The following RTN4 variants were observed in gnomAD, a reference collection of about 807,000 sequenced individuals.
The protein encoded by RTN4 is reticulon-4.
A neutral mutation model predicts 90.4 loss-of-function variants in RTN4; 32 were observed. That is an observed-to-expected ratio of 0.35 (90% CI 0.27 to 0.48). The LOEUF (loss-of-function observed/expected upper bound fraction) is 0.48, where lower values mean the gene tolerates loss of function less well. Among genes scored for constraint, RTN4 ranks in the 20% least tolerant of loss-of-function variants. The pLI is 0.99. For synonymous variants in RTN4, 629 were observed against 552.5 expected, an observed-to-expected ratio of 1.14 and a Z score of -1.94; for missense variants, 1,706 against 1,430.2, an observed-to-expected ratio of 1.19 and a Z score of -3.11.
Position 55,025,163 on chromosome 2 carries a change from T to G in RTN4, c.2936A>C (p.Lys979Thr), listed in dbSNP as rs1304138963. ...TTTTTCTGTATCGGAAGGAAGTTTTTTCTCAGCTTCTTTCACAAGAACTTT... is the reference window on the plus strand; with the variant it reads ...TTTTTCTGTATCGGAAGGAAGTTTTGTCTCAGCTTCTTTCACAAGAACTTT... ...KPKVLVKEAE[K>T]KLPSDTEKED... is the part of the protein sequence containing the mutation. Residue 979 changes from lysine (K) to threonine (T), a missense_variant, in exon 3 of 9, where the codon AAA (lysine) becomes ACA (threonine). Coordinates refer to ENST00000337526, the MANE Select transcript of RTN4 (RefSeq NM_020532.5). The G allele has an allele frequency of 6.2e-7, 1 of 1,613,782 alleles. No individual in the cohort carries two copies. Among genetic ancestry groups the G allele is most frequent in the Non-Finnish European group, 8.5e-7 (1 of 1,179,810 alleles).
rs191709866 is a variant in RTN4 at position 55,035,002 on chromosome 2, A to G, written c.557-6782T>C. On this transcript the variant is annotated intron_variant, in intron 1 of 8. Transcript: ENST00000337526. ...TAAAAAATAAAGAGGTACAGCTAAA[A>G]CCCCAACAGAGGAGATAAATCTGAA... 2.7e-3 allele frequency among the ~76,000 whole-genome samples: 410 copies of G among 152,294 alleles called. 8 individuals carry two copies. The highest frequency in any genetic ancestry group is 0.019 in the Admixed American group (288 of 15,294).
intron 2 of RTN4, among the ~76,000 whole-genome samples, chr2:55,062,846 C>G (rs1668325471): frequency 6.6e-6 from 1 of 152,222 alleles, no homozygotes; most frequent in South Asian, 2.1e-4. Flanking sequence ...AATAATTTCA[C>G]TAAGGAACCC....
upstream of RTN4, among the ~76,000 whole-genome samples, chr2:55,055,443 C>T (rs888987305): frequency 6.6e-6 from 1 of 152,038 alleles, no homozygotes; most frequent in African/African-American, 2.4e-5. Context: ...TGGTCACTGT[C>T]TTTAAACATT....
chr2:55,034,867 T>C (rs902042740), intron 1 of RTN4, among the ~76,000 whole-genome samples: 1 of 151,948 alleles, frequency 6.6e-6, no homozygotes, highest in East Asian at 1.9e-4. Flanking sequence ...AGGATGAAAA[T>C]AGTATATGAA....
chr2:55,095,363 T>A (rs1438764963), intron 1 of RTN4, among the ~76,000 whole-genome samples: 2 of 152,092 alleles, frequency 1.3e-5, no homozygotes, highest in African/African-American at 4.8e-5. Context: ...AATATTATTA[T>A]GAGGTTAATC....
At chr2:55,128,980 C>T in the RTN4 span, among the ~76,000 whole-genome samples, 1 of 151,650 alleles carries the variant, frequency 6.6e-6, no homozygotes, top group African/African-American at 2.4e-5. Context: ...TGATGGCAGG[C>T]GCCTGTAATC....
At chr2:55,062,521 G>A (rs143609887) in intron 2 of RTN4, among the ~76,000 whole-genome samples, 100 of 152,332 alleles carry the variant, frequency 6.6e-4, no homozygotes, top group African/African-American at 2.3e-3. Flanking sequence ...CATGCCCTGA[G>A]AGGGGGACAA....
At chr2:55,077,358 TTATCAGGAAAATG>T (rs1440844960) in intron 2 of RTN4, among the ~76,000 whole-genome samples, 25 of 152,056 alleles carry the variant, frequency 1.6e-4, no homozygotes, top group Admixed American at 1.6e-3. Context: ...AATATACTAC[TTATCAGGAAAATG>T]CAAATCAAAA....
At position 55,092,634 on chromosome 2, in the gene RTN4, T is replaced by C. The variant is rs538543921; in HGVS notation, c.-213-11995A>G. 5.9e-5 allele frequency among the ~76,000 whole-genome samples: 9 copies of C among 152,324 alleles called. No homozygotes were observed. In the South Asian group the frequency reaches 1.9e-3, roughly 32 times the overall value. Reference sequence around the variant, plus strand: ...AATGAGTATACCTGAGTTTCACTTGTTTCCTGCTTGCCCTCTGTCAGAGGC... The same window carrying C: ...AATGAGTATACCTGAGTTTCACTTGCTTCCTGCTTGCCCTCTGTCAGAGGC... On this transcript the variant is annotated intron_variant, in intron 1 of 3. Coordinates refer to the RTN4 transcript ENST00000427710.
chr2:55,027,591 C>T (rs1329175670), intron 2 of RTN4, 106 bp from the exon 3 acceptor site: 2 of 1,158,928 alleles, frequency 1.7e-6, no homozygotes, highest in South Asian at 1.6e-5. Flanking sequence ...TTACTGTTTA[C>T]TAAAATGAAA....
chr2:55,137,431 T>C, the RTN4 span, among the ~76,000 whole-genome samples: 1 of 152,136 alleles, frequency 6.6e-6, no homozygotes, highest in Non-Finnish European at 1.5e-5. Flanking sequence ...GAGTAACGAA[T>C]ACCTGGACCA....
chr2:55,003,123 G>A (rs1208249050), intron 3 of RTN4, among the ~76,000 whole-genome samples: 1 of 152,142 alleles, frequency 6.6e-6, no homozygotes, highest in Non-Finnish European at 1.5e-5. Context: ...CTGGAGTTGG[G>A]GGAGGGGAAG....
intron 3 of RTN4, among the ~76,000 whole-genome samples, chr2:54,997,498 C>T (rs1326233810): frequency 1.3e-5 from 2 of 152,124 alleles, no homozygotes; most frequent in East Asian, 3.8e-4. Flanking sequence ...CAATTCCACT[C>T]CTAGGAATTT....
At chr2:55,004,505 C>T (rs1188167645) in intron 3 of RTN4, among the ~76,000 whole-genome samples, 1 of 152,272 alleles carries the variant, frequency 6.6e-6, no homozygotes, top group East Asian at 1.9e-4. Context: ...CAGGAATACT[C>T]TAAAAATTCT....
chr2:55,001,291 T>G (rs759947883), intron 3 of RTN4, among the ~76,000 whole-genome samples: 1 of 152,128 alleles, frequency 6.6e-6, no homozygotes, highest in Non-Finnish European at 1.5e-5. Context: ...AAACACCGAG[T>G]GTGTTTTCAC....
At chr2:55,043,628 G>A (rs1419438671) in intron 1 of RTN4, among the ~76,000 whole-genome samples, 3 of 152,156 alleles carry the variant, frequency 2.0e-5, no homozygotes, top group Non-Finnish European at 4.4e-5. Flanking sequence ...GCTCACACCT[G>A]TAATCCCAGA....
chr2:55,047,999 T>C (rs983474392), intron 1 of RTN4, among the ~76,000 whole-genome samples: 14 of 152,236 alleles, frequency 9.2e-5, no homozygotes, highest in Admixed American at 2.0e-4. Flanking sequence ...CCTCACAGTA[T>C]ACTTACAGAA....
intron 3 of RTN4, among the ~76,000 whole-genome samples, chr2:55,004,225 G>A (rs994232702): frequency 2.0e-5 from 3 of 152,144 alleles, no homozygotes; most frequent in Non-Finnish European, 4.4e-5. Context: ...CAATACGAAA[G>A]AAGTATACGA....
At chr2:54,993,089 A>AG (rs1679149326) in intron 3 of RTN4, among the ~76,000 whole-genome samples, 2 of 151,796 alleles carry the variant, frequency 1.3e-5, no homozygotes, top group East Asian at 1.9e-4. Context: ...AAAAAAAAAA[A>AG]AAAAGAAAAG....
Sources: gnomAD v4.1 joint callset for allele counts (sites outside exome capture counted in the v4.1 genomes callset) on GRCh38, gnomAD v4.1.1 for gene constraint, MANE v1.5 for transcripts, NCBI Gene and HGNC (gene_info 2026-07-23, HGNC 2026-07-21) for gene names.